Variants in VDAC1 observed in about 807,000 individuals in gnomAD.
VDAC1 encodes the protein non-selective voltage-gated ion channel VDAC1.
VDAC1 carries 10 observed loss-of-function variants against 34.7 expected under a neutral mutation model. The observed-to-expected ratio is 0.29, with a 90% CI of 0.18 to 0.49. VDAC1 has a LOEUF of 0.49. VDAC1 is among the 20% of genes least tolerant of loss of function. The pLI is 0.99. For missense variants in VDAC1, 230 were observed against 347.9 expected (o/e 0.66, Z 2.69); for synonymous variants, 130 against 136.0 (o/e 0.96, Z 0.30).
chr5:134,034,600 G>A, the VDAC1 span, among the ~76,000 whole-genome samples: 1 of 152,176 alleles, frequency 6.6e-6, no homozygotes, highest in Non-Finnish European at 1.5e-5. Context: ...CGCCTTTTCG[G>A]GCACTTTGAT....
chr5:134,060,409 G>A, the VDAC1 span, among the ~76,000 whole-genome samples: 1 of 151,872 alleles, frequency 6.6e-6, no homozygotes, highest in African/African-American at 2.4e-5. Flanking sequence ...GTACACATTA[G>A]GAAACCAAAA....
chr5:134,019,295 TG>T, the VDAC1 span, among the ~76,000 whole-genome samples: 8 of 152,130 alleles, frequency 5.3e-5, no homozygotes, highest in African/African-American at 1.9e-4. Flanking sequence ...ACCACAACTT[TG>T]GCCAGCCACA....
chr5:134,093,366 T>TGC, the VDAC1 span, among the ~76,000 whole-genome samples: 1 of 151,964 alleles, frequency 6.6e-6, no homozygotes, highest in African/African-American at 2.4e-5. Context: ...TAAGTGTGTG[T>TGC]GTGTGTGTCC....
the VDAC1 span, among the ~76,000 whole-genome samples, chr5:134,019,743 A>T: frequency 1.3e-5 from 2 of 152,150 alleles, no homozygotes; most frequent in African/African-American, 4.8e-5. Context: ...ACGCACATGC[A>T]CCTGAATGAG....
At chr5:134,056,696 C>T in the VDAC1 span, among the ~76,000 whole-genome samples, 3 of 151,994 alleles carry the variant, frequency 2.0e-5, no homozygotes, top group African/African-American at 4.8e-5. Flanking sequence ...TTTTCTTTTT[C>T]TTTTTTGAGA....
At chr5:134,037,471 C>G in the VDAC1 span, among the ~76,000 whole-genome samples, 1 of 152,206 alleles carries the variant, frequency 6.6e-6, no homozygotes, top group Non-Finnish European at 1.5e-5. Flanking sequence ...CTGATCTTAA[C>G]TAGCCTATAT....
At chr5:134,032,124 CAAAAA>C in the VDAC1 span, among the ~76,000 whole-genome samples, 30 of 36,124 alleles carry the variant, frequency 8.3e-4, no homozygotes, top group African/African-American at 2.1e-3. Flanking sequence ...CTCTGCCTCA[CAAAAA>C]AAAAAAAAAA....
chr5:134,051,180 GA>G, the VDAC1 span, among the ~76,000 whole-genome samples: 1 of 152,216 alleles, frequency 6.6e-6, no homozygotes, highest in Non-Finnish European at 1.5e-5. Flanking sequence ...CAGTGAGATG[GA>G]GAAGGAGCAC....
rs1411832109 is a variant in VDAC1 at position 133,980,970 on chromosome 5, A to G, written c.324-14T>C. On this transcript the variant is annotated splice_polypyrimidine_tract_variant and intron_variant, in intron 5 of 8. Transcript: ENST00000265333. ...GCATTTTTTTTCCTGAAGGAAAATA[A>G]GTTATATTAAGATCAGAAGCTAACT... 1.9e-6 allele frequency: 3 copies of G among 1,607,406 alleles called. No individual in the cohort carries two copies. The highest frequency in any genetic ancestry group is 2.6e-6 in the Non-Finnish European group (3 of 1,174,566).
At chr5:133,979,006 C>T (rs1409931690) in intron 6 of VDAC1, among the ~76,000 whole-genome samples, 2 of 151,792 alleles carry the variant, frequency 1.3e-5, no homozygotes, top group African/African-American at 4.8e-5. Context: ...ACCCTGTCAC[C>T]AAAAAATAAT....
intron 7 of VDAC1, among the ~76,000 whole-genome samples, chr5:133,974,460 G>A (rs1331396856): frequency 1.3e-5 from 2 of 152,140 alleles, no homozygotes; most frequent in Admixed American, 6.5e-5. Flanking sequence ...AAAGTGAGGC[G>A]GGGCGGGGGG....
the VDAC1 span, among the ~76,000 whole-genome samples, chr5:134,016,551 G>A: frequency 4.5e-3 from 689 of 152,288 alleles, 2 homozygotes; most frequent in Middle Eastern, 0.017. Context: ...TGGAGCTGTC[G>A]CTTCCACTTG....
the VDAC1 span, among the ~76,000 whole-genome samples, chr5:134,025,505 G>T: frequency 6.6e-6 from 1 of 152,124 alleles, no homozygotes. Context: ...TAGGGGTGGG[G>T]GAAATGGATG....
the VDAC1 span, among the ~76,000 whole-genome samples, chr5:134,071,658 A>C: frequency 6.6e-6 from 1 of 152,206 alleles, no homozygotes; most frequent in African/African-American, 2.4e-5. The surrounding 1 kb of genome is among the most constrained non-coding windows in gnomAD (Gnocchi z 4.1). Flanking sequence ...GTCTTGAAAG[A>C]AATGAGAAGT....
the VDAC1 span, among the ~76,000 whole-genome samples, chr5:134,097,188 T>G: frequency 2.0e-5 from 3 of 152,358 alleles, no homozygotes; most frequent in African/African-American, 7.2e-5. Context: ...CCCTGTTTTC[T>G]TTTGGAAGGA....
chr5:134,024,486 A>G, the VDAC1 span, among the ~76,000 whole-genome samples: 1 of 148,316 alleles, frequency 6.7e-6, no homozygotes, highest in Non-Finnish European at 1.5e-5. Flanking sequence ...CCGAGCTTGC[A>G]CCACTGCACT....
At chr5:134,078,981 TTC>T in the VDAC1 span, among the ~76,000 whole-genome samples, 1 of 150,296 alleles carries the variant, frequency 6.7e-6, no homozygotes. Context: ...CTTTTTTTTT[TTC>T]TTTTTTTGAG....
At chr5:134,043,050 AG>A in the VDAC1 span, among the ~76,000 whole-genome samples, 1 of 152,224 alleles carries the variant, frequency 6.6e-6, no homozygotes. Flanking sequence ...GGGCAGATCC[AG>A]GGAGGTCCAA....
chr5:134,029,320 T>C, the VDAC1 span, among the ~76,000 whole-genome samples: 133 of 152,330 alleles, frequency 8.7e-4, no homozygotes, highest in African/African-American at 2.9e-3. Flanking sequence ...ACAGAAAATA[T>C]GTGGGGTAAT....
Sources: allele counts gnomAD v4.1 joint callset (sites outside exome capture counted in the v4.1 genomes callset), GRCh38; gene constraint gnomAD v4.1.1; non-coding constraint Gnocchi (gnomAD v3.1); transcripts MANE v1.5; gene names NCBI Gene and HGNC (gene_info 2026-07-23, HGNC 2026-07-21).